ABTB3: variants seen among roughly 807,000 people sequenced by gnomAD.
The protein encoded by ABTB3 is ankyrin repeat- and BTB/POZ domain-containing protein 3.
the ABTB3 span, among the ~76,000 whole-genome samples, chr12:107,531,173 G>C: frequency 6.6e-6 from 1 of 152,192 alleles, no homozygotes; most frequent in Non-Finnish European, 1.5e-5. Flanking sequence ...GTGCATTGCA[G>C]CATGTTTAGC....
chr12:107,622,211 A>G, the ABTB3 span, among the ~76,000 whole-genome samples: 1 of 152,168 alleles, frequency 6.6e-6, no homozygotes. Flanking sequence ...ACATGCACTG[A>G]CCACTGGCCG....
At chr12:107,569,653 T>C in the ABTB3 span, among the ~76,000 whole-genome samples, 2 of 152,218 alleles carry the variant, frequency 1.3e-5, no homozygotes, top group Non-Finnish European at 2.9e-5. Context: ...AGAATCCATG[T>C]TGACACAACA....
the ABTB3 span, among the ~76,000 whole-genome samples, chr12:107,321,248 G>A: frequency 1.3e-5 from 2 of 152,216 alleles, no homozygotes; most frequent in African/African-American, 4.8e-5. Flanking sequence ...GGGGGCTGGA[G>A]GAGCACTGCG....
the ABTB3 span, among the ~76,000 whole-genome samples, chr12:107,454,943 C>T: frequency 1.3e-5 from 2 of 152,174 alleles, no homozygotes; most frequent in South Asian, 4.1e-4. Context: ...TTCACAACAA[C>T]CCTTGAAATT....
chr12:107,431,460 T>G, the ABTB3 span, among the ~76,000 whole-genome samples: 1 of 152,026 alleles, frequency 6.6e-6, no homozygotes, highest in Non-Finnish European at 1.5e-5. Flanking sequence ...AATACAAAAA[T>G]TAGCCGGGCG....
chr12:107,578,447 T>C, the ABTB3 span, among the ~76,000 whole-genome samples: 1 of 138,990 alleles, frequency 7.2e-6, no homozygotes, highest in South Asian at 2.6e-4. Context: ...GCATTGGCCG[T>C]GTGCCCTGGG....
the ABTB3 span, among the ~76,000 whole-genome samples, chr12:107,508,392 C>T: frequency 3.4e-5 from 5 of 148,112 alleles, no homozygotes; most frequent in African/African-American, 1.2e-4. Flanking sequence ...CATTATTTTA[C>T]CCTGGTCCAT....
chr12:107,592,868 G>C, the ABTB3 span, among the ~76,000 whole-genome samples: 2 of 152,178 alleles, frequency 1.3e-5, no homozygotes, highest in Non-Finnish European at 2.9e-5. Context: ...GATGGTCAGC[G>C]TGTAGGTGGT....
chr12:107,559,787 C>T, the ABTB3 span, among the ~76,000 whole-genome samples: 1 of 152,098 alleles, frequency 6.6e-6, no homozygotes, highest in South Asian at 2.1e-4. Context: ...TTTCCCCATC[C>T]CTCCATTTTG....
At chr12:107,613,842 G>A in the ABTB3 span, among the ~76,000 whole-genome samples, 1 of 152,098 alleles carries the variant, frequency 6.6e-6, no homozygotes, top group African/African-American at 2.4e-5. Context: ...TTAGATGCCC[G>A]TGCAGTCTCA....
the ABTB3 span, among the ~76,000 whole-genome samples, chr12:107,372,806 A>G: frequency 6.6e-6 from 1 of 152,104 alleles, no homozygotes; most frequent in Non-Finnish European, 1.5e-5. Flanking sequence ...TAACCAGTGG[A>G]CCTGGAGATA....
the ABTB3 span, among the ~76,000 whole-genome samples, chr12:107,336,484 T>C: frequency 6.6e-6 from 1 of 152,222 alleles, no homozygotes; most frequent in African/African-American, 2.4e-5. Flanking sequence ...TTTCCTCCCT[T>C]GTAAGCATGG....
chr12:107,507,576 GC>G, the ABTB3 span, among the ~76,000 whole-genome samples: 1 of 152,098 alleles, frequency 6.6e-6, no homozygotes, highest in African/African-American at 2.4e-5. Context: ...TGATATACGA[GC>G]CCCTCAGCAA....
At chr12:107,331,997 C>T in the ABTB3 span, among the ~76,000 whole-genome samples, 1 of 152,220 alleles carries the variant, frequency 6.6e-6, no homozygotes, top group Non-Finnish European at 1.5e-5. Flanking sequence ...AGGAAACAGA[C>T]CAAGAGTGAG....
the ABTB3 span, among the ~76,000 whole-genome samples, chr12:107,523,705 C>G: frequency 6.6e-6 from 1 of 152,160 alleles, no homozygotes. Context: ...GAAATATCTA[C>G]ATTTTAATAC....
At chr12:107,489,248 C>T in the ABTB3 span, among the ~76,000 whole-genome samples, 3 of 152,138 alleles carry the variant, frequency 2.0e-5, no homozygotes, top group South Asian at 2.1e-4. Flanking sequence ...TGGCTGGGCA[C>T]GGTGGCTCAC....
At chr12:107,602,323 A>G in the ABTB3 span, among the ~76,000 whole-genome samples, 32 of 152,296 alleles carry the variant, frequency 2.1e-4, no homozygotes, top group East Asian at 5.8e-3. Flanking sequence ...TATGATATCT[A>G]ATTTGAGACC....
the ABTB3 span, among the ~76,000 whole-genome samples, chr12:107,447,516 A>G: frequency 6.6e-6 from 1 of 152,160 alleles, no homozygotes; most frequent in Admixed American, 6.6e-5. Context: ...CTGAGAATCC[A>G]GATCCGCCAA....
chr12:107,384,183 T>G, the ABTB3 span, among the ~76,000 whole-genome samples: 1 of 152,212 alleles, frequency 6.6e-6, no homozygotes, highest in Non-Finnish European at 1.5e-5. Flanking sequence ...TTCCTATGTA[T>G]TGATGTGTGT....
Sources: allele counts gnomAD v4.1 joint callset (sites outside exome capture counted in the v4.1 genomes callset), GRCh38; gene constraint gnomAD v4.1.1; transcripts MANE v1.5; gene names NCBI Gene and HGNC (gene_info 2026-07-23, HGNC 2026-07-21).